The following MCF2L variants were observed in gnomAD, a reference collection of about 807,000 sequenced individuals.
The protein encoded by MCF2L is guanine nucleotide exchange factor DBS.
In MCF2L, 97 loss-of-function variants were observed where a neutral mutation model predicts 153.4. The ratio of observed to expected loss-of-function variants is 0.63; its 90% confidence interval spans 0.54 to 0.75. MCF2L has a LOEUF of 0.75. Ranked by LOEUF, MCF2L falls within the 30% of genes least tolerant of loss-of-function variation. MCF2L has a pLI of 0.00. For missense variants in MCF2L, 1,347 were observed against 1,495.2 expected (o/e 0.90, Z 1.64); for synonymous variants, 659 against 632.2 (o/e 1.04, Z -0.64).
Position 113,054,069 on chromosome 13 carries a change from T to G in MCF2L, c.370-6524T>G, listed in dbSNP as rs1242266578. Among the ~76,000 whole-genome samples the G allele has an allele frequency of 6.6e-6, 1 of 152,146 alleles. No individual in the cohort carries two copies. The highest frequency in any genetic ancestry group is 2.4e-5 in the African/African-American group (1 of 41,422). On this transcript the variant is annotated intron_variant, in intron 4 of 29. Transcript: ENST00000535094. This position sits in a 1 kb window ranked among gnomAD's most constrained non-coding sequence, Gnocchi z 5.2. The stretch of plus-strand genomic sequence containing the variant: ...GGAGGTTCTGGGGCTTGGCTTGAGC[T>G]GCGGGGTGAGTGTGGGAGAGACGGC...
rs2034845111 is a variant in MCF2L, at chr13:113,088,398, T to C, written c.2760T>C (p.Ala920=). Residue 920 remains alanine, a synonymous_variant, in exon 24 of 30, where the codon GCT becomes GCC. Coordinates refer to ENST00000535094, the MANE Select transcript of MCF2L (RefSeq NM_001112732.3). ...AAGTGCTGACCAGCCAGCTGCAGGC[T>C]TGTAGAGGTGAGGCTGTCTTCAAGC... ...IRKVLTSQLQ[A]CREASQHRAL... 5.6e-6 allele frequency: 9 copies of C among 1,613,934 alleles called. No individual in the cohort carries two copies. The highest frequency in any genetic ancestry group is 7.6e-6 in the Non-Finnish European group (9 of 1,179,994).
intron 2 of MCF2L, among the ~76,000 whole-genome samples, chr13:112,933,252 C>T (rs1007712142): frequency 1.3e-5 from 2 of 152,214 alleles, no homozygotes; most frequent in African/African-American, 2.4e-5. Context: ...TCTCCTTGGG[C>T]TCTGTGTGCA....
In MCF2L at chr13:112,907,789, G is replaced by A. The variant is rs1174250748; in HGVS notation, c.169+5418G>A. On this transcript the variant is annotated intron_variant, in intron 2 of 29. Coordinates refer to the MCF2L transcript ENST00000375608. The surrounding 1 kb of genome is among the most constrained non-coding windows in gnomAD (Gnocchi z 5.1). ...ATGCCATTTAGTGTTGCAGAAAACA[G>A]CTCTGAGAAAAGGCGATCTCAGCAG... Among the ~76,000 whole-genome samples the A allele has an allele frequency of 6.6e-6, 1 of 152,180 alleles. No individual in the cohort carries two copies. The highest frequency in any genetic ancestry group is 2.1e-4 in the South Asian group (1 of 4,830).
At chr13:113,050,716 GGGGC>G (rs1292172197) in intron 4 of MCF2L, among the ~76,000 whole-genome samples, 2 of 27,714 alleles carry the variant, frequency 7.2e-5, no homozygotes, top group African/African-American at 3.0e-4. Context: ...AGGAGCAGGG[GGGGC>G]GGGGGCGGGG....
intron 1 of MCF2L, among the ~76,000 whole-genome samples, chr13:113,013,155 C>T (rs929052569): frequency 6.6e-6 from 1 of 152,204 alleles, no homozygotes; most frequent in African/African-American, 2.4e-5. Flanking sequence ...TCGGCTGCAC[C>T]AGACACACAT....
intron 26 of MCF2L, chr13:113,090,006 C>G (rs776501318): frequency 6.3e-7 from 1 of 1,599,736 alleles, no homozygotes; most frequent in African/African-American, 1.3e-5. Context: ...CTGCGACAGC[C>G]GGACCCGCCT....
chr13:113,050,194 G>C (rs538167551), intron 4 of MCF2L, among the ~76,000 whole-genome samples: 1 of 151,732 alleles, frequency 6.6e-6, no homozygotes, highest in African/African-American at 2.4e-5. Context: ...GTGTGCGAGC[G>C]AGTGGGAGTG....
intron 1 of MCF2L, among the ~76,000 whole-genome samples, chr13:112,895,872 C>A (rs1472987319): frequency 6.6e-6 from 1 of 152,158 alleles, no homozygotes; most frequent in South Asian, 2.1e-4. Context: ...TCCCGGTGTC[C>A]CCGATTTCAC....
At chr13:113,012,206 CG>C (rs1418232464) in intron 1 of MCF2L, among the ~76,000 whole-genome samples, 8 of 83,184 alleles carry the variant, frequency 9.6e-5, no homozygotes, top group African/African-American at 3.5e-4. Flanking sequence ...GCGGTGTGGA[CG>C]GTGGACAGGC....
At chr13:113,065,294 T>C (rs1487926391) in intron 7 of MCF2L, 5 of 593,742 alleles carry the variant, frequency 8.4e-6, no homozygotes, top group Non-Finnish European at 1.5e-5. Context: ...ATAAAAGGAG[T>C]GTAAATGAAC....
intron 16 of MCF2L, 51 bp from the exon 17 acceptor site, chr13:113,082,376 C>A (rs752038278): frequency 2.7e-6 from 3 of 1,099,078 alleles, no homozygotes; most frequent in South Asian, 2.5e-5. Flanking sequence ...CACCTGCCCC[C>A]CCACAGCATC....
intron 2 of MCF2L, among the ~76,000 whole-genome samples, chr13:112,916,756 C>T (rs960132499): frequency 4.6e-5 from 7 of 152,122 alleles, no homozygotes; most frequent in Admixed American, 6.5e-5. Context: ...GGCCACTCCC[C>T]GAACAACCAG....
At chr13:112,933,944 A>G (rs951833772) in intron 2 of MCF2L, among the ~76,000 whole-genome samples, 3 of 152,268 alleles carry the variant, frequency 2.0e-5, no homozygotes, top group Non-Finnish European at 4.4e-5. Flanking sequence ...ATCTGCAGGT[A>G]CTGACCTCCT....
At chr13:113,032,595 G>A (rs1388474945) in intron 3 of MCF2L, among the ~76,000 whole-genome samples, 5 of 152,100 alleles carry the variant, frequency 3.3e-5, no homozygotes, top group Non-Finnish European at 7.3e-5. Context: ...TTGAGACAGG[G>A]TCTTGCTCTG....
Position 113,025,956 on chromosome 13 carries a change from G to A in MCF2L, c.278+1198G>A, listed in dbSNP as rs867650721. ...GGCAGAGTCCCTGTGAGATTTCCCC[G>A]TCATGGGGTCCCCGTGACTGTGGGT... On this transcript the variant is annotated intron_variant, in intron 3 of 29. Coordinates refer to ENST00000535094, the MANE Select transcript of MCF2L (RefSeq NM_001112732.3). Among the ~76,000 whole-genome samples, 66 of 22,482 alleles carry A rather than the reference G, an allele frequency of 2.9e-3. 1 individual carries two copies. The highest frequency in any genetic ancestry group is 0.014 in the South Asian group (5 of 352). 14.7% of individuals were successfully genotyped at this position (22,482 alleles called of 152,430 possible). A position where few individuals can be genotyped will look rare whatever the true frequency, so the allele number is the denominator to read the frequency against.
In MCF2L at chr13:113,076,107, C is replaced by T. The variant is rs1173032101; in HGVS notation, c.1450C>T (p.Leu484Phe). The stretch of plus-strand genomic sequence containing the variant: ...CGGTGCGGAAAATAAGATCCAGGAG[C>T]TCAACGCGATTTACAAGGAATACGA... ...ETGAENKIQE[L>F]NAIYKEYESI... The change falls in exon 12 of 30, where the codon CTC becomes TTC. Residue 484 changes from leucine (L) to phenylalanine (F), a missense_variant. Around this residue, in one of 3 missense-constraint regions of MCF2L, gnomAD observed 820 missense variants for 921.2 expected, o/e 0.89. Coordinates refer to ENST00000535094, the MANE Select transcript of MCF2L (RefSeq NM_001112732.3). 1 of 1,613,862 alleles carries T rather than the reference C, an allele frequency of 6.2e-7. No individual in the cohort carries two copies. Among genetic ancestry groups the T allele is most frequent in the Non-Finnish European group, 8.5e-7 (1 of 1,180,012 alleles).
intron 25 of MCF2L, among the ~76,000 whole-genome samples, chr13:113,088,891 G>A (rs996269247): frequency 3.7e-4 from 57 of 152,246 alleles, no homozygotes; most frequent in African/African-American, 1.4e-3. Flanking sequence ...GGCCTGTCCA[G>A]ATCACAGCCA....
intron 2 of MCF2L, among the ~76,000 whole-genome samples, chr13:112,911,029 TG>T: frequency 6.6e-6 from 1 of 152,180 alleles, no homozygotes; most frequent in South Asian, 2.1e-4. Flanking sequence ...GGGGTGGGGC[TG>T]ACTCTCTCGC....
At chr13:112,976,670 C>T (rs544823454) in intron 1 of MCF2L, among the ~76,000 whole-genome samples, 15 of 152,330 alleles carry the variant, frequency 9.8e-5, no homozygotes, top group Admixed American at 5.2e-4. Flanking sequence ...TCCACCAGAC[C>T]GGAGCCACGA....
Sources: allele counts gnomAD v4.1 joint callset (sites outside exome capture counted in the v4.1 genomes callset), GRCh38; gene constraint gnomAD v4.1.1; regional missense constraint gnomAD v4.1.1; non-coding constraint Gnocchi (gnomAD v3.1); transcripts MANE v1.5; gene names NCBI Gene and HGNC (gene_info 2026-07-23, HGNC 2026-07-21).